TRIO: variants seen among roughly 807,000 people sequenced by gnomAD.
TRIO encodes the protein trio Rho guanine nucleotide exchange factor.
In TRIO, 58 loss-of-function variants were observed where a neutral mutation model predicts 351.9. The observed-to-expected ratio is 0.16, with a 90% CI of 0.13 to 0.21. The LOEUF is 0.21. Ranked by LOEUF, TRIO falls within the 10% of genes least tolerant of loss-of-function variation. The pLI, the probability that TRIO is intolerant of heterozygous loss-of-function variation, is 1.00. For synonymous variants in TRIO, 1,758 were observed against 1,595.7 expected, an observed-to-expected ratio of 1.10 and a Z score of -2.42; for missense variants, 3,201 against 4,027.8, an observed-to-expected ratio of 0.79 and a Z score of 5.56.
chr5:14,335,977 A>C (rs1006872551), intron 10 of TRIO, among the ~76,000 whole-genome samples: 4 of 152,228 alleles, frequency 2.6e-5, no homozygotes, highest in African/African-American at 9.6e-5. Flanking sequence ...GCTGGAAAAC[A>C]AAACAGAAAA....
intron 34 of TRIO, among the ~76,000 whole-genome samples, chr5:14,460,207 C>T (rs917661232): frequency 2.6e-5 from 4 of 152,208 alleles, no homozygotes; most frequent in Non-Finnish European, 4.4e-5. Flanking sequence ...TGAGCCACCG[C>T]GCCCGGCCCC....
chr5:14,196,251 CCT>C (rs1159292791), intron 1 of TRIO, among the ~76,000 whole-genome samples: 1 of 151,704 alleles, frequency 6.6e-6, no homozygotes, highest in Admixed American at 6.6e-5. Context: ...GTGAAAACCC[CCT>C]CTCTACTAAA....
rs1281217104 is a variant in TRIO, at chr5:14,419,853, C to T, written c.5035C>T (p.Arg1679Trp). Reference sequence around the variant, plus strand: ...CAACAGCAACGAGCTGACCATCCGACGGGGCCAGACCGTGGAAGTTCTGGA... The same window carrying T: ...CAACAGCAACGAGCTGACCATCCGATGGGGCCAGACCGTGGAAGTTCTGGA... ...ACNSNELTIRRGQTVEVLERP... is the reference protein window; with the variant it reads ...ACNSNELTIRWGQTVEVLERP... Residue 1679 changes from arginine to tryptophan, a missense_variant, in exon 34 of 57, where the codon CGG becomes TGG. Around this residue, in one of 19 missense-constraint regions of TRIO, gnomAD observed 136 missense variants for 229.5 expected, o/e 0.59. Transcript: ENST00000344204. The T allele has an allele frequency of 2.6e-5, 42 of 1,614,100 alleles. No individual in the cohort carries two copies. The highest frequency in any genetic ancestry group is 1.6e-4 in the Middle Eastern group (1 of 6,084).
intron 1 of TRIO, among the ~76,000 whole-genome samples, chr5:14,169,997 C>T (rs1205891890): frequency 6.6e-6 from 1 of 152,020 alleles, no homozygotes; most frequent in African/African-American, 2.4e-5. Context: ...TAATGGAAAG[C>T]CAATGAAATT....
chr5:14,368,969 C>G, intron 17 of TRIO, 70 bp downstream of exon 17: 2 of 1,513,248 alleles, frequency 1.3e-6, no homozygotes, highest in East Asian at 4.6e-5. Flanking sequence ...TTGGACAGCT[C>G]AATCATTGTT....
intron 1 of TRIO, among the ~76,000 whole-genome samples, chr5:14,144,979 A>AGGATG (rs1787414796): frequency 6.6e-6 from 1 of 151,732 alleles, no homozygotes; most frequent in South Asian, 2.1e-4. Context: ...CGGGGCAGGG[A>AGGATG]GGATGCAGAC....
At chr5:14,465,691 A>G (rs755549245) in intron 37 of TRIO, 51 bp downstream of exon 37, 10 of 1,589,410 alleles carry the variant, frequency 6.3e-6, no homozygotes, top group Middle Eastern at 1.7e-4. Flanking sequence ...CTGTGTTGCT[A>G]CTTGCAGATG....
At chr5:14,190,019 G>A (rs1053717287) in intron 1 of TRIO, among the ~76,000 whole-genome samples, 8 of 151,970 alleles carry the variant, frequency 5.3e-5, no homozygotes, top group African/African-American at 1.9e-4. Flanking sequence ...ACCATGCCCG[G>A]CATATCTTCA....
At chr5:14,388,001 T>C (rs539634598) in intron 23 of TRIO, 154 bp downstream of exon 23, 19 of 683,472 alleles carry the variant, frequency 2.8e-5, no homozygotes, top group Non-Finnish European at 3.8e-5. Context: ...CAGACTTCGC[T>C]GCGTTCACTG....
chr5:14,375,362 C>T (rs1424328936), intron 19 of TRIO, among the ~76,000 whole-genome samples: 5 of 151,208 alleles, frequency 3.3e-5, no homozygotes, highest in African/African-American at 9.8e-5. Context: ...TGTGTCCTGT[C>T]TTTTCTGATT....
Position 14,246,076 on chromosome 5 carries a change from T to G in TRIO, c.158-24749T>G, listed in dbSNP as rs1561246541. 4.6e-5 allele frequency among the ~76,000 whole-genome samples: 7 copies of G among 152,234 alleles called. No individual in the cohort carries two copies. In the South Asian group the frequency reaches 1.5e-3, roughly 32 times the overall value. ...TCCCTTGATTTACTTAAATCCCTGATAAATTTTACTTCCCCTCTCACCTTA... is the reference window on the plus strand; with the variant it reads ...TCCCTTGATTTACTTAAATCCCTGAGAAATTTTACTTCCCCTCTCACCTTA... On this transcript the variant is annotated intron_variant, in intron 1 of 56. Transcript: ENST00000344204.
chr5:14,191,248 G>A (rs952011849), intron 1 of TRIO, among the ~76,000 whole-genome samples: 15 of 152,160 alleles, frequency 9.9e-5, no homozygotes, highest in Non-Finnish European at 5.9e-5. Context: ...ATGTGTATGT[G>A]TATGTAGCAT....
intron 6 of TRIO, among the ~76,000 whole-genome samples, chr5:14,293,613 C>G (rs940843557): frequency 1.3e-5 from 2 of 152,190 alleles, no homozygotes; most frequent in African/African-American, 2.4e-5. Context: ...GGACTGGGAT[C>G]TGGCCCTCAG....
At chr5:14,426,565 T>A (rs944483938) in intron 34 of TRIO, among the ~76,000 whole-genome samples, 1 of 152,130 alleles carries the variant, frequency 6.6e-6, no homozygotes, top group Non-Finnish European at 1.5e-5. Context: ...TTAAACAGAT[T>A]GTAACAGGAA....
intron 11 of TRIO, among the ~76,000 whole-genome samples, chr5:14,355,403 T>C (rs1743530155): frequency 6.6e-6 from 1 of 152,224 alleles, no homozygotes; most frequent in South Asian, 2.1e-4. Context: ...CGTGAAGCCC[T>C]CTGCTGTGTC....
intron 1 of TRIO, among the ~76,000 whole-genome samples, chr5:14,182,552 A>G (rs1789853024): frequency 6.6e-6 from 1 of 152,240 alleles, no homozygotes; most frequent in Non-Finnish European, 1.5e-5. Flanking sequence ...TATCAATTCT[A>G]TGCCTTAATT....
chr5:14,501,409 G>C (rs1170409729), intron 53 of TRIO, among the ~76,000 whole-genome samples: 1 of 152,254 alleles, frequency 6.6e-6, no homozygotes, highest in East Asian at 1.9e-4. Flanking sequence ...GGCTTTGTGT[G>C]TGCCAGGCAT....
chr5:14,465,675 G>A (rs1249001653), intron 37 of TRIO, 35 bp downstream of exon 37: 1 of 1,608,682 alleles, frequency 6.2e-7, no homozygotes, highest in Admixed American at 1.7e-5. Flanking sequence ...ACTTTTGGAA[G>A]CTGCTCTGTG....
At chr5:14,399,723 T>C (rs1406642960) in intron 30 of TRIO, among the ~76,000 whole-genome samples, 2 of 152,206 alleles carry the variant, frequency 1.3e-5, no homozygotes, top group African/African-American at 4.8e-5. Flanking sequence ...GACCACTGGC[T>C]AGCCTTACCA....
Sources: allele counts gnomAD v4.1 joint callset (sites outside exome capture counted in the v4.1 genomes callset), GRCh38; gene constraint gnomAD v4.1.1; regional missense constraint gnomAD v4.1.1; transcripts MANE v1.5; gene names NCBI Gene and HGNC (gene_info 2026-07-23, HGNC 2026-07-21).